The following PCTP variants were observed in gnomAD, a reference collection of about 807,000 sequenced individuals.
The protein encoded by PCTP is phosphatidylcholine transfer protein.
In PCTP, 27 loss-of-function variants were observed where a neutral mutation model predicts 31.0. That is an observed-to-expected ratio of 0.87 (90% CI 0.64 to 1.20). The LOEUF is 1.20. PCTP is among the 50% of genes most tolerant of loss of function. The pLI, the probability that PCTP is intolerant of heterozygous loss-of-function variation, is 0.00. For missense variants in PCTP, 287 were observed against 268.2 expected, an observed-to-expected ratio of 1.07 and a Z score of -0.49; for synonymous variants, 108 against 101.2, an observed-to-expected ratio of 1.07 and a Z score of -0.40.
At chr17:55,817,147 C>T (rs1046825261) in intron 3 of PCTP, among the ~76,000 whole-genome samples, 2 of 152,192 alleles carry the variant, frequency 1.3e-5, no homozygotes, top group Non-Finnish European at 2.9e-5. Context: ...CCCAGTGGTT[C>T]AGCATTCTCG....
downstream of PCTP, among the ~76,000 whole-genome samples, chr17:55,844,670 C>T (rs1906087277): frequency 6.6e-6 from 1 of 152,082 alleles, no homozygotes; most frequent in South Asian, 2.1e-4. Flanking sequence ...GAATCTAATC[C>T]CTGCTCAGCC....
At chr17:55,763,821 C>G (rs1910478640) in intron 1 of PCTP, among the ~76,000 whole-genome samples, 2 of 151,970 alleles carry the variant, frequency 1.3e-5, no homozygotes, top group Admixed American at 1.3e-4. Context: ...TGCTGAGATC[C>G]TTTTTAAAAA....
chr17:55,755,596 A>ATT (rs71137172), intron 1 of PCTP, among the ~76,000 whole-genome samples: 1 of 151,376 alleles, frequency 6.6e-6, no homozygotes, highest in Non-Finnish European at 1.5e-5. Context: ...GCTTTTGATA[A>ATT]TTTTTTTTTG....
At chr17:55,767,154 G>A (rs1200094503) in intron 1 of PCTP, among the ~76,000 whole-genome samples, 181 bp from the exon 2 acceptor site, 2 of 152,054 alleles carry the variant, frequency 1.3e-5, no homozygotes, top group African/African-American at 4.8e-5. Flanking sequence ...TGTAGATTCT[G>A]GATATTAGCC....
chr17:55,845,085 C>CAAACAAAAAA (rs1906101827), downstream of PCTP, among the ~76,000 whole-genome samples: 1 of 32,526 alleles, frequency 3.1e-5, no homozygotes, highest in Non-Finnish European at 5.7e-5. Context: ...AAAACTCCAT[C>CAAACAAAAAA]AAAAAAAAAA....
At chr17:55,837,239 G>A (rs1340308339) in intron 5 of PCTP, among the ~76,000 whole-genome samples, 1 of 152,218 alleles carries the variant, frequency 6.6e-6, no homozygotes, top group African/African-American at 2.4e-5. Flanking sequence ...GCTGCAAGCA[G>A]TGGGTGGTAA....
rs201740174 is a variant in PCTP, at chr17:55,774,808, C to G, written c.528C>G (p.Phe176Leu). The part of the protein sequence containing the change: ...KKGSKVFMYY[F>L]DNPGGQIPSW... ...CCTCTCTAGTTTTCATGTATTACTT[C>G]GATAACCCGGGTGGCCAAATTCCGT... Residue 176 changes from phenylalanine to leucine, a missense_variant, in exon 5 of 6, where the codon TTC (phenylalanine) becomes TTG (leucine). Phe to Leu is a conservative substitution (Grantham distance 22). Coordinates refer to ENST00000268896, the MANE Select transcript of PCTP (RefSeq NM_021213.4). 1.9e-6 allele frequency: 3 copies of G among 1,608,358 alleles called. No homozygotes were observed. The highest frequency in any genetic ancestry group is 2.2e-5 in the East Asian group (1 of 44,662).
chr17:55,791,987 T>A (rs867583431), intron 3 of PCTP, among the ~76,000 whole-genome samples: 3 of 151,484 alleles, frequency 2.0e-5, no homozygotes, highest in Admixed American at 6.6e-5. Context: ...TAAAAAATGA[T>A]GAGTTCATGT....
downstream of PCTP, among the ~76,000 whole-genome samples, chr17:55,846,263 T>C (rs1906147854): frequency 6.6e-6 from 1 of 152,168 alleles, no homozygotes; most frequent in Admixed American, 6.5e-5. Context: ...AATTCACCCA[T>C]CATGTACCAC....
intron 2 of PCTP, among the ~76,000 whole-genome samples, chr17:55,768,039 A>T (rs1327921823): frequency 4.0e-5 from 6 of 151,202 alleles, no homozygotes; most frequent in Non-Finnish European, 7.4e-5. Flanking sequence ...GGTTGCAGTG[A>T]GCCAAGACTG....
chr17:55,823,021 C>A, exon 4 of PCTP: 1 of 365,080 alleles, frequency 2.7e-6, no homozygotes, highest in Non-Finnish European at 4.8e-6. Flanking sequence ...ACATATTATT[C>A]ACAGATGTGT....
intron 3 of PCTP, among the ~76,000 whole-genome samples, chr17:55,798,094 T>C (rs577224895): frequency 8.5e-4 from 129 of 152,018 alleles, no homozygotes; most frequent in African/African-American, 3.0e-3. Context: ...AGTTAAGAAC[T>C]CATTATATGA....
chr17:55,818,796 C>T (rs2145059226), intron 3 of PCTP, among the ~76,000 whole-genome samples: 1 of 151,926 alleles, frequency 6.6e-6, no homozygotes, highest in Middle Eastern at 3.4e-3. Context: ...GCCACAGACC[C>T]CAAAACTAGA....
chr17:55,757,554 T>G (rs1283236020), intron 1 of PCTP, among the ~76,000 whole-genome samples: 1 of 44,360 alleles, frequency 2.3e-5, no homozygotes, highest in African/African-American at 3.1e-5. Context: ...TATATACACA[T>G]GTATATGTGT....
chr17:55,763,372 G>T (rs1355002926), intron 1 of PCTP, among the ~76,000 whole-genome samples: 1 of 151,878 alleles, frequency 6.6e-6, no homozygotes, highest in South Asian at 2.1e-4. Flanking sequence ...TGCAAGGTTT[G>T]TAAAAAGTAT....
intron 3 of PCTP, among the ~76,000 whole-genome samples, chr17:55,815,780 GT>G (rs1275397110): frequency 6.6e-6 from 1 of 152,146 alleles, no homozygotes; most frequent in African/African-American, 2.4e-5. Flanking sequence ...CAAGTCTGAT[GT>G]TCCTACTCCC....
intron 3 of PCTP, among the ~76,000 whole-genome samples, chr17:55,813,407 G>A (rs527858796): frequency 1.3e-5 from 2 of 152,120 alleles, no homozygotes; most frequent in African/African-American, 4.8e-5. Context: ...GAGTAGTTGG[G>A]ATTACAGGTG....
At chr17:55,773,659 G>A in intron 3 of PCTP, 65 bp from the exon 4 acceptor site, 1 of 1,494,608 alleles carries the variant, frequency 6.7e-7, no homozygotes, top group Non-Finnish European at 9.1e-7. Context: ...CTTCCAGCTT[G>A]TGGCGCTTTC....
intron 5 of PCTP, among the ~76,000 whole-genome samples, chr17:55,828,481 G>A (rs1329505143): frequency 1.3e-5 from 2 of 152,112 alleles, no homozygotes; most frequent in Non-Finnish European, 2.9e-5. Context: ...CTTTCACATG[G>A]CATTCTCTTC....
Sources: allele counts gnomAD v4.1 joint callset (sites outside exome capture counted in the v4.1 genomes callset), GRCh38; gene constraint gnomAD v4.1.1; transcripts MANE v1.5; gene names NCBI Gene and HGNC (gene_info 2026-07-23, HGNC 2026-07-21).